Variants in CYTH4 observed in about 807,000 individuals in gnomAD.
CYTH4 encodes the protein cytohesin-4.
Under a neutral mutation model 57.5 loss-of-function variants are expected in CYTH4, and 22 were observed. The observed-to-expected ratio is 0.38, with a 90% CI of 0.27 to 0.55. The LOEUF (loss-of-function observed/expected upper bound fraction) is 0.55. Ranked by LOEUF, CYTH4 falls within the 20% of genes least tolerant of loss-of-function variation. The pLI is 0.74. For synonymous variants in CYTH4, 186 were observed against 206.5 expected (o/e 0.90, Z 0.85); for missense variants, 420 against 535.6 (o/e 0.78, Z 2.13).
chr22:37,310,085 A>G, intron 9 of CYTH4: 1 of 452,446 alleles, frequency 2.2e-6, no homozygotes, highest in Non-Finnish European at 4.6e-6. Flanking sequence ...GCTCACCTCC[A>G]GCAACATTGA....
rs1218066454 is a variant in CYTH4, at chr22:37,300,907, G to A, written c.435G>A (p.Arg145=). ...GCCCGTGGCCCCGTTTCTCCCCCAG[G>A]CAGTTCCTGTGGAGCTTCCGGCTGC... The part of the protein sequence containing the change: ...FANLNLVQAL[R]QFLWSFRLPG... The change falls in exon 7 of 13, where the codon AGG becomes AGA. Residue 145 remains arginine, a splice_region_variant and synonymous_variant. Transcript: ENST00000248901. 1 of 1,613,784 alleles carries A rather than the reference G, an allele frequency of 6.2e-7. No homozygotes were observed. The highest frequency in any genetic ancestry group is 8.5e-7 in the Non-Finnish European group (1 of 1,179,890).
intron 1 of CYTH4, among the ~76,000 whole-genome samples, chr22:37,288,912 G>A (rs1422694506): frequency 1.3e-5 from 2 of 152,226 alleles, no homozygotes; most frequent in African/African-American, 4.8e-5. Context: ...CTTTGCTGTA[G>A]AGAGCATCCC....
At position 37,282,534 on chromosome 22, in the gene CYTH4, A is replaced by T. The variant is rs199981818; in HGVS notation, c.-36A>T. On this transcript the variant is annotated 5_prime_UTR_variant, in exon 1 of 13. Transcript: ENST00000248901. Reference sequence around the variant, plus strand: ...AACAGCAGCTGGGTCGGCAAGCGACAGGAGCACGGGTCATCTTTTCCCCAG... The same window carrying T: ...AACAGCAGCTGGGTCGGCAAGCGACTGGAGCACGGGTCATCTTTTCCCCAG... 4.6e-4 allele frequency: 750 copies of T among 1,613,326 alleles called. 5 individuals are homozygous for T. The highest frequency in any genetic ancestry group is 1.1e-4 in the Non-Finnish European group (129 of 1,179,734).
In CYTH4 at chr22:37,311,882, G is replaced by C; in HGVS notation, c.958-138G>C. 2.7e-6 allele frequency: 3 copies of C among 1,101,260 alleles called. No homozygotes were observed. The highest frequency in any genetic ancestry group is 3.9e-6 in the Non-Finnish European group (3 of 777,366). The allele number at this position is 1,101,260 out of a possible 1,614,324, so 68.2% of individuals were successfully genotyped here. ...CACAGAGAGAGTGCTCAGTGTGGGA[G>C]CAGCAGCTCCTGCCCCTTCGCCTGT... On this transcript the variant is annotated intron_variant, in intron 11 of 12. Coordinates refer to ENST00000248901, the MANE Select transcript of CYTH4 (RefSeq NM_013385.5). This position sits in a 1 kb window ranked among gnomAD's most constrained non-coding sequence, Gnocchi z 4.4.
intron 8 of CYTH4, among the ~76,000 whole-genome samples, chr22:37,308,304 CGT>C (rs1161268722): frequency 6.6e-6 from 1 of 152,140 alleles, no homozygotes; most frequent in Non-Finnish European, 1.5e-5. Flanking sequence ...AAAGAGAATA[CGT>C]GTGTTTGTGT....
intron 1 of CYTH4, among the ~76,000 whole-genome samples, chr22:37,284,958 C>T (rs7288236): frequency 0.27 from 37,862 of 140,140 alleles, 5,220 homozygotes; most frequent in East Asian, 0.49. Flanking sequence ...GGGGGGGCGG[C>T]GGGGGAGGAA....
intron 8 of CYTH4, among the ~76,000 whole-genome samples, chr22:37,306,688 G>A (rs979287709): frequency 5.9e-5 from 9 of 152,228 alleles, no homozygotes; most frequent in Non-Finnish European, 1.0e-4. Flanking sequence ...GCTAGATCCA[G>A]GTGCCCAGTG....
intron 9 of CYTH4, 46 bp downstream of exon 9, chr22:37,309,369 G>C: frequency 6.5e-7 from 1 of 1,540,734 alleles, no homozygotes; most frequent in Non-Finnish European, 9.0e-7. Flanking sequence ...ACTCATGCAC[G>C]CGCGGGCACA....
intron 8 of CYTH4, among the ~76,000 whole-genome samples, chr22:37,308,475 T>C (rs1929487101): frequency 6.6e-6 from 1 of 151,582 alleles, no homozygotes; most frequent in Non-Finnish European, 1.5e-5. Flanking sequence ...TGTGTGTGTA[T>C]GTGTGTACGT....
chr22:37,313,483 G>A lies in CYTH4; in HGVS notation c.1157G>A (p.Arg386Gln), dbSNP rs892830901. The A allele has an allele frequency of 1.2e-4, 200 of 1,614,158 alleles. No individual in the cohort carries two copies. The highest frequency in any genetic ancestry group is 1.5e-4 in the Non-Finnish European group (182 of 1,180,006). ...RVPFYDLVST[R>Q]KKKIASKQ ...CCCTTCTACGACCTGGTCTCTACTC[G>A]GAAGAAGAAGATTGCCAGCAAGCAG... Residue 386 changes from arginine (R) to glutamine (Q), a missense_variant, in exon 13 of 13, where the codon CGG becomes CAG. Transcript: ENST00000248901.
intron 1 of CYTH4, among the ~76,000 whole-genome samples, chr22:37,288,257 C>T (rs1285942056): frequency 6.6e-6 from 1 of 152,124 alleles, no homozygotes; most frequent in East Asian, 1.9e-4. Context: ...ACTAAAAATA[C>T]AGAGATTGGC....
intron 4 of CYTH4, chr22:37,296,323 C>T: frequency 5.9e-6 from 3 of 511,528 alleles, no homozygotes; most frequent in Middle Eastern, 5.1e-4. Flanking sequence ...TTGGCCTAGT[C>T]CCTTCCCCAC....
At chr22:37,285,891 C>T (rs1018937345) in intron 1 of CYTH4, among the ~76,000 whole-genome samples, 1 of 152,126 alleles carries the variant, frequency 6.6e-6, no homozygotes, top group African/African-American at 2.4e-5. Flanking sequence ...GGTTCAGATG[C>T]TTTGACCAGT....
intron 1 of CYTH4, among the ~76,000 whole-genome samples, chr22:37,285,423 T>C (rs766323318): frequency 6.6e-6 from 1 of 152,104 alleles, no homozygotes; most frequent in Non-Finnish European, 1.5e-5. Context: ...ATTCATCTCC[T>C]GGCCAGGCAT....
At chr22:37,303,467 G>A (rs1423603462) in intron 8 of CYTH4, 65 bp downstream of exon 8, 4 of 1,544,398 alleles carry the variant, frequency 2.6e-6, no homozygotes, top group African/African-American at 1.4e-5. Flanking sequence ...TCCTTAGATG[G>A]ATGGCCCGGG....
chr22:37,295,085 C>G lies in CYTH4; in HGVS notation c.167+361C>G, dbSNP rs918583203. Among the ~76,000 whole-genome samples the G allele has an allele frequency of 3.2e-4, 48 of 152,162 alleles. No homozygotes were observed. The highest frequency in any genetic ancestry group is 1.2e-3 in the African/African-American group (48 of 41,428). On this transcript the variant is annotated intron_variant, in intron 3 of 12. Coordinates refer to ENST00000248901, the MANE Select transcript of CYTH4 (RefSeq NM_013385.5). The surrounding 1 kb of genome is among the most constrained non-coding windows in gnomAD (Gnocchi z 4.1). ...GGCAAGGACAAGGAAGCCCAGGGCCCCAGGAGGACAGGAGCCTGGCCCTAC... is the reference window on the plus strand; with the variant it reads ...GGCAAGGACAAGGAAGCCCAGGGCCGCAGGAGGACAGGAGCCTGGCCCTAC...
chr22:37,308,981 CCGGGGTGG>C (rs1021713223), intron 8 of CYTH4, among the ~76,000 whole-genome samples: 9 of 152,124 alleles, frequency 5.9e-5, no homozygotes, highest in East Asian at 1.9e-4. Context: ...GGAAGCATGA[CCGGGGTGG>C]CGGGGTGGCG....
At chr22:37,294,148 C>T (rs1436951052) in intron 2 of CYTH4, among the ~76,000 whole-genome samples, 5 of 141,918 alleles carry the variant, frequency 3.5e-5, no homozygotes, top group African/African-American at 1.3e-4. Flanking sequence ...CCGGGAGAGG[C>T]AGGCAGGGTG....
At chr22:37,286,657 C>T (rs190488412) in intron 1 of CYTH4, among the ~76,000 whole-genome samples, 83 of 151,996 alleles carry the variant, frequency 5.5e-4, no homozygotes, top group African/African-American at 1.9e-3. Flanking sequence ...GAAGGAAGGG[C>T]GTTCTGGGTA....
Sources: allele counts gnomAD v4.1 joint callset (sites outside exome capture counted in the v4.1 genomes callset), GRCh38; gene constraint gnomAD v4.1.1; non-coding constraint Gnocchi (gnomAD v3.1); transcripts MANE v1.5; gene names NCBI Gene and HGNC (gene_info 2026-07-23, HGNC 2026-07-21).